The following BPI variants were observed in gnomAD, a reference collection of about 807,000 sequenced individuals.
BPI encodes the protein bactericidal permeability-increasing protein.
Under a neutral mutation model 57.6 loss-of-function variants are expected in BPI, and 48 were observed. That is an observed-to-expected ratio of 0.83 (90% CI 0.66 to 1.06). The LOEUF (loss-of-function observed/expected upper bound fraction) is 1.06, where lower values mean the gene tolerates loss of function less well. Ranked by LOEUF, BPI falls within the 50% of genes least tolerant of loss-of-function variation. BPI has a pLI of 0.00. For synonymous variants in BPI, 237 were observed against 238.2 expected (o/e 0.99, Z 0.05); for missense variants, 651 against 609.7 (o/e 1.07, Z -0.71).
At chr20:38,307,833 C>CACGCT in intron 2 of BPI, 152 bp downstream of exon 2, 1 of 661,892 alleles carries the variant, frequency 1.5e-6, no homozygotes, top group Non-Finnish European at 2.5e-6. Context: ...AGGCAACCTC[C>CACGCT]CAGCTGAGCG....
intron 2 of BPI, 54 bp from the exon 3 acceptor site, chr20:38,308,876 G>A (rs990910428): frequency 4.6e-5 from 74 of 1,607,876 alleles, no homozygotes; most frequent in Non-Finnish European, 6.0e-5. Flanking sequence ...AAGTCCTCAT[G>A]TGTGCACCTA....
At chr20:38,305,289 T>C (rs886765921) in intron 1 of BPI, among the ~76,000 whole-genome samples, 10 of 152,096 alleles carry the variant, frequency 6.6e-5, no homozygotes, top group African/African-American at 2.2e-4. Context: ...GGAAGGAGTA[T>C]GGCCCTGAAG....
At chr20:38,336,877 G>A (rs1350122671) in intron 14 of BPI, among the ~76,000 whole-genome samples, 4 of 152,164 alleles carry the variant, frequency 2.6e-5, no homozygotes, top group East Asian at 3.9e-4. Context: ...AGGCAGGGAC[G>A]ACAAATGAAG....
rs758151931 is a variant in BPI at position 38,311,903 on chromosome 20, T to C, written c.566T>C (p.Ile189Thr). Reference sequence around the variant, plus strand: ...CTGATCCAACTCTTCCACAAAAAAATTGAGTCTGCGCTTCGAAACAAGATG... The same window carrying C: ...CTGATCCAACTCTTCCACAAAAAAACTGAGTCTGCGCTTCGAAACAAGATG... Reference protein sequence around the residue: ...GWLIQLFHKKIESALRNKMNS... With the variant: ...GWLIQLFHKKTESALRNKMNS... The change falls in exon 5 of 15, where the codon ATT becomes ACT. Residue 189 changes from isoleucine (I) to threonine (T), a missense_variant. Transcript: ENST00000642449. 6.2e-7 allele frequency: 1 copy of C among 1,613,914 alleles called. No individual in the cohort carries two copies. Among genetic ancestry groups the C allele is most frequent in the Admixed American group, 1.7e-5 (1 of 59,994 alleles).
chr20:38,308,335 T>A (rs2076606380), intron 2 of BPI, among the ~76,000 whole-genome samples: 1 of 152,234 alleles, frequency 6.6e-6, no homozygotes, highest in African/African-American at 2.4e-5. Context: ...TCAACTTTCT[T>A]TGGAGTGGCA....
chr20:38,320,137 A>T (rs751957152), intron 6 of BPI, 46 bp from the exon 7 acceptor site: 35 of 1,488,580 alleles, frequency 2.4e-5, no homozygotes, highest in Admixed American at 3.3e-5. Flanking sequence ...GCTTCCAGCG[A>T]TGCTGCCGTG....
intron 2 of BPI, 78 bp from the exon 3 acceptor site, chr20:38,308,852 A>G (rs2076608687): frequency 6.4e-7 from 1 of 1,567,838 alleles, no homozygotes; most frequent in Non-Finnish European, 8.7e-7. Flanking sequence ...ACGAGTCTGC[A>G]TTAACCATTA....
At chr20:38,333,335 G>A (rs766457560) in intron 12 of BPI, among the ~76,000 whole-genome samples, 1 of 151,714 alleles carries the variant, frequency 6.6e-6, no homozygotes, top group African/African-American at 2.4e-5. Context: ...AAGAGACTCA[G>A]TTGTTCCAGA....
intron 4 of BPI, among the ~76,000 whole-genome samples, chr20:38,311,494 G>A (rs903670053): frequency 2.0e-5 from 3 of 152,218 alleles, no homozygotes; most frequent in Admixed American, 6.5e-5. Context: ...AGGATAAGTA[G>A]GCATTAGTTA....
chr20:38,321,755 G>A (rs933012653), intron 7 of BPI: 18 of 151,822 alleles, frequency 1.2e-4, no homozygotes, highest in African/African-American at 2.9e-4. Context: ...AGAATTACCC[G>A]AGTCTACAAC....
At chr20:38,315,298 C>CTGAA (rs1300168265) in intron 5 of BPI, among the ~76,000 whole-genome samples, 1 of 152,114 alleles carries the variant, frequency 6.6e-6, no homozygotes, top group Non-Finnish European at 1.5e-5. Flanking sequence ...AAGTACTGGC[C>CTGAA]TGAATGAATG....
intron 9 of BPI, among the ~76,000 whole-genome samples, chr20:38,325,542 T>C (rs1348703920): frequency 6.6e-6 from 1 of 152,178 alleles, no homozygotes; most frequent in Non-Finnish European, 1.5e-5. Flanking sequence ...ACTAATTCTA[T>C]CAGATCAGGG....
At chr20:38,328,839 A>G (rs2076727460) in intron 11 of BPI, among the ~76,000 whole-genome samples, 1 of 151,296 alleles carries the variant, frequency 6.6e-6, no homozygotes, top group South Asian at 2.1e-4. Context: ...TCTACCAAAA[A>G]AAAAAAAATT....
rs199545210 is a variant in BPI, at chr20:38,337,149, T to A, written c.1417T>A (p.Phe473Ile). The change falls in exon 15 of 15, where the codon TTC becomes ATC. Residue 473 changes from phenylalanine to isoleucine, a missense_variant. By Grantham distance (21) the Phe-to-Ile change is conservative. Coordinates refer to ENST00000642449, the MANE Select transcript of BPI (RefSeq NM_001725.3). ...CAACATTCTCATCTCTCCCTAGAAC[T>A]TCCTGCTGTTCGGTGCAGACGTTGT... The part of the protein sequence containing the change: ...YNVVLQPHQN[F>I]LLFGADVVYK 21 of 1,601,936 alleles carry A rather than the reference T, an allele frequency of 1.3e-5. No individual in the cohort carries two copies. The East Asian group carries it at 4.6e-4, about 35-fold the overall frequency.
At chr20:38,312,029 T>C (rs377230902) in intron 5 of BPI, 92 bp downstream of exon 5, 10 of 1,307,850 alleles carry the variant, frequency 7.6e-6, no homozygotes, top group Non-Finnish European at 1.1e-5. Flanking sequence ...CTGCTGTCAC[T>C]CCAGACCCCT....
intron 6 of BPI, 176 bp from the exon 7 acceptor site, chr20:38,320,007 G>T: frequency 1.6e-6 from 1 of 607,908 alleles, no homozygotes; most frequent in Non-Finnish European, 2.9e-6. Flanking sequence ...TGAATGTGGG[G>T]TGTGGGTTCA....
chr20:38,313,966 G>A (rs549079112), intron 5 of BPI, among the ~76,000 whole-genome samples: 2 of 151,596 alleles, frequency 1.3e-5, no homozygotes, highest in East Asian at 3.9e-4. Flanking sequence ...GTTGATGATG[G>A]TGATAGTGAG....
chr20:38,317,082 AC>A (rs1324560177), intron 5 of BPI, among the ~76,000 whole-genome samples: 2 of 152,152 alleles, frequency 1.3e-5, no homozygotes, highest in Admixed American at 6.5e-5. Flanking sequence ...ACCAGGAGCT[AC>A]CCAGTAGTCA....
At chr20:38,319,507 C>A (rs2076670223) in intron 6 of BPI, among the ~76,000 whole-genome samples, 1 of 152,246 alleles carries the variant, frequency 6.6e-6, no homozygotes, top group Admixed American at 6.5e-5. Context: ...TTCAATGCAG[C>A]TGCAGTGCCC....
Sources: gnomAD v4.1 joint callset for allele counts (sites outside exome capture counted in the v4.1 genomes callset) on GRCh38, gnomAD v4.1.1 for gene constraint, MANE v1.5 for transcripts, NCBI Gene and HGNC (gene_info 2026-07-23, HGNC 2026-07-21) for gene names.